The following EYS variants were observed in gnomAD, a reference collection of about 807,000 sequenced individuals.
The protein encoded by EYS is protein eyes shut homolog.
Under a neutral mutation model 282.1 loss-of-function variants are expected in EYS, and 250 were observed. The ratio of observed to expected loss-of-function variants is 0.89; its 90% CI spans 0.80 to 0.98. The LOEUF (loss-of-function observed/expected upper bound fraction) is 0.98. Ranked by LOEUF, EYS falls within the 50% of genes least tolerant of loss-of-function variation. The pLI is 0.00. For synonymous variants in EYS, 1,355 were observed against 1,282.9 expected (o/e 1.06, Z -1.20); for missense variants, 4,016 against 3,709.0 (o/e 1.08, Z -2.15).
intron 31 of EYS, among the ~76,000 whole-genome samples, chr6:64,207,889 C>G (rs1342710995): frequency 7.2e-5 from 11 of 152,114 alleles, no homozygotes; most frequent in African/African-American, 2.7e-4. Flanking sequence ...GAACTCCTGA[C>G]CTCATGTGAT....
chr6:64,239,706 C>T (rs1485018178), intron 30 of EYS, among the ~76,000 whole-genome samples: 1 of 151,702 alleles, frequency 6.6e-6, no homozygotes, highest in East Asian at 1.9e-4. Context: ...CTGTTGGTTG[C>T]CTGTTCACTC....
intron 13 of EYS, among the ~76,000 whole-genome samples, chr6:65,010,703 C>T (rs1771839339): frequency 6.6e-6 from 1 of 152,154 alleles, no homozygotes; most frequent in Non-Finnish European, 1.5e-5. Context: ...ACTAATAGCC[C>T]TCACTCAGGC....
intron 19 of EYS, among the ~76,000 whole-genome samples, chr6:64,856,180 G>T (rs1766052723): frequency 6.6e-6 from 1 of 152,062 alleles, no homozygotes; most frequent in Non-Finnish European, 1.5e-5. Context: ...CCATAAGAAA[G>T]TGCCAAACTG....
intron 12 of EYS, among the ~76,000 whole-genome samples, chr6:65,192,807 T>C (rs1009924976): frequency 2.0e-5 from 3 of 151,816 alleles, no homozygotes; most frequent in Admixed American, 6.6e-5. Context: ...ATAATATTTA[T>C]ATATATTTGG....
chr6:64,655,347 T>A (rs908740260), intron 22 of EYS, among the ~76,000 whole-genome samples: 2 of 88,942 alleles, frequency 2.2e-5, no homozygotes, highest in African/African-American at 4.9e-5. Context: ...TGCTTTTGAA[T>A]CTTTTTCTGC....
intron 26 of EYS, among the ~76,000 whole-genome samples, chr6:64,488,229 T>C (rs1411063713): frequency 6.6e-6 from 1 of 151,022 alleles, no homozygotes; most frequent in African/African-American, 2.4e-5. Flanking sequence ...ATACCCTTAA[T>C]TTGGCCAAAT....
intron 31 of EYS, among the ~76,000 whole-genome samples, chr6:64,187,297 A>G (rs1052396219): frequency 1.3e-5 from 2 of 152,058 alleles, no homozygotes; most frequent in African/African-American, 4.8e-5. Flanking sequence ...CTCTTTTCTC[A>G]AATCTCTTCC....
At chr6:64,099,269 A>T (rs1343402855) in intron 31 of EYS, among the ~76,000 whole-genome samples, 1 of 152,248 alleles carries the variant, frequency 6.6e-6, no homozygotes, top group Non-Finnish European at 1.5e-5. Context: ...AATAATAATT[A>T]GTAAGTAGTA....
chr6:63,808,088 C>G (rs959741399), intron 36 of EYS, among the ~76,000 whole-genome samples: 1 of 152,212 alleles, frequency 6.6e-6, no homozygotes, highest in East Asian at 1.9e-4. Context: ...ATTTTACTGT[C>G]AGAACCTGTG....
At chr6:64,885,696 T>C (rs1171736509) in intron 19 of EYS, among the ~76,000 whole-genome samples, 1 of 151,852 alleles carries the variant, frequency 6.6e-6, no homozygotes, top group East Asian at 1.9e-4. Context: ...ATAGTTTTTG[T>C]GTATATGAGA....
chr6:64,551,241 A>C (rs1765072334), intron 26 of EYS, among the ~76,000 whole-genome samples: 1 of 149,838 alleles, frequency 6.7e-6, no homozygotes, highest in African/African-American at 2.4e-5. Context: ...GTAACTTCCT[A>C]ATAAGTTTAT....
At chr6:64,934,958 G>T (rs1768856789) in intron 15 of EYS, among the ~76,000 whole-genome samples, 1 of 151,628 alleles carries the variant, frequency 6.6e-6, no homozygotes, top group Non-Finnish European at 1.5e-5. Context: ...GTTTGTTGAT[G>T]GGCTTATAAT....
intron 39 of EYS, 78 bp downstream of exon 39, chr6:63,788,027 A>T: frequency 1.8e-6 from 2 of 1,120,706 alleles, no homozygotes; most frequent in Non-Finnish European, 2.5e-6. Context: ...TGGGAAATAG[A>T]AGTATACTCT....
At chr6:64,644,806 G>A (rs1409889110) in intron 22 of EYS, among the ~76,000 whole-genome samples, 1 of 152,120 alleles carries the variant, frequency 6.6e-6, no homozygotes, top group Non-Finnish European at 1.5e-5. Flanking sequence ...TATAGCTCAT[G>A]TCATATTCTC....
At chr6:64,145,596 A>G (rs1161850874) in intron 31 of EYS, among the ~76,000 whole-genome samples, 1 of 152,198 alleles carries the variant, frequency 6.6e-6, no homozygotes, top group Non-Finnish European at 1.5e-5. Flanking sequence ...TGCATTTCCA[A>G]TTCACTCTCT....
intron 5 of EYS, among the ~76,000 whole-genome samples, chr6:65,421,666 A>G (rs1767458521): frequency 6.6e-6 from 1 of 151,832 alleles, no homozygotes; most frequent in Admixed American, 6.6e-5. Context: ...CTACAAACAT[A>G]CATGTCTCAT....
At chr6:63,737,843 A>G (rs1205595643) in intron 41 of EYS, among the ~76,000 whole-genome samples, 6 of 152,198 alleles carry the variant, frequency 3.9e-5, no homozygotes, top group Non-Finnish European at 8.8e-5. Flanking sequence ...TCATCTGACT[A>G]AGGGCTAATA....
At chr6:64,555,477 T>C (rs1765207913) in intron 26 of EYS, among the ~76,000 whole-genome samples, 1 of 151,888 alleles carries the variant, frequency 6.6e-6, no homozygotes, top group African/African-American at 2.4e-5. Context: ...TGAAAATTGC[T>C]AAGAGAGATT....
intron 5 of EYS, among the ~76,000 whole-genome samples, chr6:65,424,164 T>C (rs1023076345): frequency 1.3e-5 from 2 of 151,994 alleles, no homozygotes; most frequent in African/African-American, 4.8e-5. Context: ...AAGTTTTACT[T>C]GCTTCTTTCT....
Sources: gnomAD v4.1 joint callset for allele counts (sites outside exome capture counted in the v4.1 genomes callset) on GRCh38, gnomAD v4.1.1 for gene constraint, MANE v1.5 for transcripts, NCBI Gene and HGNC (gene_info 2026-07-23, HGNC 2026-07-21) for gene names.